Variants in WDR35 observed in about 807,000 individuals in gnomAD.
The protein encoded by WDR35 is WD repeat-containing protein 35.
In WDR35, 118 loss-of-function variants were observed where a neutral mutation model predicts 158.3. The ratio of observed to expected loss-of-function variants is 0.75; its 90% CI spans 0.64 to 0.87. The LOEUF is 0.87. Ranked by LOEUF, WDR35 falls within the 40% of genes least tolerant of loss-of-function variation. The probability of loss-of-function intolerance (pLI) is 0.00; values close to 1 mark genes in which losing one functional copy is unlikely to be tolerated. For synonymous variants in WDR35, 448 were observed against 476.1 expected (o/e 0.94, Z 0.77); for missense variants, 1,263 against 1,405.8 (o/e 0.90, Z 1.62).
At chr2:19,916,148 G>A (rs1371784890) in intron 25 of WDR35, among the ~76,000 whole-genome samples, 1 of 152,158 alleles carries the variant, frequency 6.6e-6, no homozygotes, top group Non-Finnish European at 1.5e-5. Context: ...GCAAGGGGAT[G>A]GGGAAATCCC....
intron 16 of WDR35, among the ~76,000 whole-genome samples, chr2:19,943,503 T>A (rs757923803): frequency 1.3e-5 from 2 of 152,164 alleles, no homozygotes; most frequent in Non-Finnish European, 2.9e-5. Context: ...TCTTTTAAAA[T>A]TTCTATTTTG....
chr2:19,918,186 A>G (rs1260560977), intron 25 of WDR35, among the ~76,000 whole-genome samples: 1 of 152,156 alleles, frequency 6.6e-6, no homozygotes, highest in East Asian at 1.9e-4. Flanking sequence ...ACAGACAAGG[A>G]AATGCTGAGA....
At chr2:19,954,164 C>T (rs1671345022) in intron 11 of WDR35, among the ~76,000 whole-genome samples, 186 bp from the exon 12 acceptor site, 1 of 152,152 alleles carries the variant, frequency 6.6e-6, no homozygotes, top group Non-Finnish European at 1.5e-5. Flanking sequence ...TAGCATCATA[C>T]AACGATACTA....
At chr2:19,932,601 A>G (rs567214424) in intron 22 of WDR35, among the ~76,000 whole-genome samples, 154 bp from the exon 23 acceptor site, 7 of 152,336 alleles carry the variant, frequency 4.6e-5, no homozygotes, top group Admixed American at 2.0e-4. Context: ...TCACAGCAAC[A>G]TAAGTCCTAT....
intron 25 of WDR35, among the ~76,000 whole-genome samples, chr2:19,926,712 G>A (rs988693997): frequency 6.6e-6 from 1 of 152,216 alleles, no homozygotes; most frequent in Non-Finnish European, 1.5e-5. Flanking sequence ...AAAGACAGAA[G>A]CAGAACAACT....
intron 12 of WDR35, among the ~76,000 whole-genome samples, chr2:19,952,472 A>G (rs1671270637): frequency 6.6e-6 from 1 of 152,224 alleles, no homozygotes; most frequent in African/African-American, 2.4e-5. Flanking sequence ...AGACAGAAAC[A>G]TAAGGAAATG....
intron 5 of WDR35, 136 bp from the exon 6 acceptor site, chr2:19,975,799 T>A: frequency 8.6e-7 from 1 of 1,160,560 alleles, no homozygotes; most frequent in Non-Finnish European, 1.3e-6. Flanking sequence ...GGCCAATAAA[T>A]ATTTACTGAG....
At chr2:19,951,119 G>A (rs1184997511) in intron 13 of WDR35, among the ~76,000 whole-genome samples, 1 of 152,186 alleles carries the variant, frequency 6.6e-6, no homozygotes, top group Non-Finnish European at 1.5e-5. Context: ...GACAGATAAA[G>A]AGATAGACAG....
chr2:19,953,897 GC>G lies in WDR35; in HGVS notation c.1336del (p.Ala446GlnfsTer54). 1.9e-6 allele frequency: 3 copies of G among 1,614,032 alleles called. No individual in the cohort carries two copies. The highest frequency in any genetic ancestry group is 2.5e-6 in the Non-Finnish European group (3 of 1,179,994). Reference protein sequence around the residue: ...EAFYTWQYRVAKKLTALEINQ... With the variant: ...EAFYTWQYRVXKKLTALEINQ... The stretch of plus-strand genomic sequence containing the variant: ...AATTTCCAATGCTGTGAGCTTCTTT[GC>G]CACACGATATTGCCAGGTATAAAAT... On this transcript the variant is annotated frameshift_variant, in exon 12 of 27. Transcript: ENST00000281405. LOFTEE classifies it high-confidence loss of function.
At chr2:19,955,423 C>T (rs1671394753) in intron 11 of WDR35, among the ~76,000 whole-genome samples, 1 of 152,170 alleles carries the variant, frequency 6.6e-6, no homozygotes, top group South Asian at 2.1e-4. Context: ...TTTAATTGAG[C>T]TCCTACTGTA....
At chr2:19,981,433 T>C (rs549822565) in intron 3 of WDR35, among the ~76,000 whole-genome samples, 5 of 152,324 alleles carry the variant, frequency 3.3e-5, no homozygotes, top group East Asian at 3.9e-4. Flanking sequence ...GTCCAAATAA[T>C]GTCCTTTATA....
rs1572327118 is a variant in WDR35, at chr2:19,934,778, C to T, written c.2547+693G>A. The stretch of plus-strand genomic sequence containing the variant: ...AAAATACCATTATTACAGAGATAGC[C>T]GCTCAAATTCACAATAGGGAAAACT... On this transcript the variant is annotated intron_variant, in intron 21 of 26. Transcript: ENST00000281405. This position sits in a 1 kb window ranked among gnomAD's most constrained non-coding sequence, Gnocchi z 4.6. Among the ~76,000 whole-genome samples the T allele has an allele frequency of 6.6e-6, 1 of 151,968 alleles. No homozygotes were observed. Among genetic ancestry groups the T allele is most frequent in the Non-Finnish European group, 1.5e-5 (1 of 67,992 alleles).
intron 25 of WDR35, among the ~76,000 whole-genome samples, chr2:19,924,379 A>G (rs1157028020): frequency 1.3e-5 from 2 of 152,070 alleles, no homozygotes; most frequent in Non-Finnish European, 2.9e-5. Context: ...CCTGGCTAAC[A>G]TGGTGAAACC....
At chr2:19,985,659 G>A (rs961410166) in intron 2 of WDR35, among the ~76,000 whole-genome samples, 2 of 150,916 alleles carry the variant, frequency 1.3e-5, no homozygotes, top group Admixed American at 6.6e-5. Context: ...CCAGGCGGGC[G>A]AGTCACTTGA....
At chr2:19,921,323 AACTAT>A (rs1477934311) in intron 25 of WDR35, among the ~76,000 whole-genome samples, 4 of 152,226 alleles carry the variant, frequency 2.6e-5, no homozygotes, top group African/African-American at 9.6e-5. Flanking sequence ...ACTGACTACG[AACTAT>A]ACTACAAGGC....
At chr2:19,988,939 A>G (rs907160994) in intron 2 of WDR35, among the ~76,000 whole-genome samples, 1 of 152,140 alleles carries the variant, frequency 6.6e-6, no homozygotes, top group East Asian at 1.9e-4. Context: ...ATTCTTCATT[A>G]TTTTTCATTT....
chr2:19,974,611 A>C lies in WDR35; in HGVS notation c.593T>G (p.Leu198Trp). The change falls in exon 7 of 27, where the codon TTG becomes TGG. Residue 198 changes from leucine (L) to tryptophan (W), a missense_variant. Leu to Trp is a moderately conservative substitution (Grantham distance 61). Coordinates refer to ENST00000281405, the MANE Select transcript of WDR35 (RefSeq NM_020779.4). ...NFMIKMKLSC[L>W]VNVTGAISIA... ...GCTGATAGCTCCAGTGACATTCACC[A>C]AACAACTCAGTTTCATTTTTATCTA... The C allele has an allele frequency of 6.2e-7, 1 of 1,613,818 alleles. No individual in the cohort carries two copies. Among genetic ancestry groups the C allele is most frequent in the Non-Finnish European group, 8.5e-7 (1 of 1,179,834 alleles).
rs1348738851 is a variant in WDR35 at position 19,914,045 on chromosome 2, A to T, written c.3354T>A (p.Leu1118=). 1 of 1,614,094 alleles carries T rather than the reference A, an allele frequency of 6.2e-7. No homozygotes were observed. Among genetic ancestry groups the T allele is most frequent in the South Asian group, 1.1e-5 (1 of 91,056 alleles). Reference sequence around the variant, plus strand: ...AATTAAAATTAGCCTACCCTTCCATAAGGCTGTCCAATTCAGGTTTTCTGT... The same window carrying T: ...AATTAAAATTAGCCTACCCTTCCATTAGGCTGTCCAATTCAGGTTTTCTGT... ...KDNRKPELDS[L]MEGGEGKLPT... The change falls in exon 26 of 27, where the codon CTT becomes CTA. Residue 1118 remains leucine, a synonymous_variant. Transcript: ENST00000281405.
chr2:19,932,484 T>TA lies in WDR35; in HGVS notation c.2659-38_2659-37insT, dbSNP rs1558328985. 9.9e-6 allele frequency: 16 copies of TA among 1,611,676 alleles called. No individual in the cohort carries two copies. The Admixed American group carries it at 2.5e-4, about 25-fold the overall frequency. ...ATTACACCATTCAGTCACCCAAGTA[T>TA]TTACAGTCACATATATCATAAAATT... On this transcript the variant is annotated intron_variant, in intron 22 of 26. Coordinates refer to ENST00000281405, the MANE Select transcript of WDR35 (RefSeq NM_020779.4).
Sources: allele counts gnomAD v4.1 joint callset (sites outside exome capture counted in the v4.1 genomes callset), GRCh38; gene constraint gnomAD v4.1.1; non-coding constraint Gnocchi (gnomAD v3.1); transcripts MANE v1.5; gene names NCBI Gene and HGNC (gene_info 2026-07-23, HGNC 2026-07-21).